The following KLHL14 variants were observed in gnomAD, a reference collection of about 807,000 sequenced individuals.
The protein encoded by KLHL14 is kelch like family member 14.
A neutral mutation model predicts 64.3 loss-of-function variants in KLHL14; 22 were observed. The ratio of observed to expected loss-of-function variants is 0.34; its 90% CI spans 0.24 to 0.49. KLHL14 has a LOEUF of 0.49. KLHL14 is among the 20% of genes least tolerant of loss of function. The pLI, the probability that KLHL14 is intolerant of heterozygous loss-of-function variation, is 0.99. For missense variants in KLHL14, 661 were observed against 789.0 expected (o/e 0.84, Z 1.94); for synonymous variants, 322 against 333.4 (o/e 0.97, Z 0.37).
intron 3 of KLHL14, among the ~76,000 whole-genome samples, chr18:32,703,662 T>C (rs2049976722): frequency 6.6e-6 from 1 of 152,222 alleles, no homozygotes; most frequent in African/African-American, 2.4e-5. Flanking sequence ...TTAATGTGAT[T>C]TCACATTGGA....
chr18:32,763,561 A>C (rs1232635018), intron 2 of KLHL14, among the ~76,000 whole-genome samples: 1 of 152,142 alleles, frequency 6.6e-6, no homozygotes, highest in Non-Finnish European at 1.5e-5. Context: ...CTCATCTTTA[A>C]AAAGGCTTAA....
rs947927729 is a variant in KLHL14, at chr18:32,680,914, A to G, written c.1239-315T>C. On this transcript the variant is annotated intron_variant, in intron 5 of 8. Transcript: ENST00000359358. The surrounding 1 kb of genome is among the most constrained non-coding windows in gnomAD (Gnocchi z 4.8). The stretch of plus-strand genomic sequence containing the variant: ...TTCATTAATATTTGGGATATTCGGT[A>G]CCTTGTAAGGATATCGTAGCTCTGT... Among the ~76,000 whole-genome samples, 1 of 152,130 alleles carries G rather than the reference A, an allele frequency of 6.6e-6. No individual in the cohort carries two copies. The highest frequency in any genetic ancestry group is 1.5e-5 in the Non-Finnish European group (1 of 68,016).
chr18:32,752,239 G>T (rs2050257421), intron 2 of KLHL14, among the ~76,000 whole-genome samples: 1 of 152,180 alleles, frequency 6.6e-6, no homozygotes, highest in Admixed American at 6.5e-5. Flanking sequence ...CACTATCTAG[G>T]AGGATGTTAT....
intron 3 of KLHL14, among the ~76,000 whole-genome samples, chr18:32,740,563 T>C (rs1056290610): frequency 6.6e-6 from 1 of 152,212 alleles, no homozygotes; most frequent in Non-Finnish European, 1.5e-5. Flanking sequence ...CTTTCACTAT[T>C]GGTCAAGTAT....
At chr18:32,710,320 A>C (rs903643812) in intron 3 of KLHL14, among the ~76,000 whole-genome samples, 2 of 152,226 alleles carry the variant, frequency 1.3e-5, no homozygotes, top group African/African-American at 4.8e-5. Flanking sequence ...TTTACTACAG[A>C]ACTGAATCAA....
chr18:32,723,292 C>T (rs1192876525), intron 3 of KLHL14, among the ~76,000 whole-genome samples: 2 of 152,088 alleles, frequency 1.3e-5, no homozygotes, highest in East Asian at 3.9e-4. Flanking sequence ...GATAGTGAAT[C>T]CAAGGAAGCT....
At chr18:32,736,178 T>A (rs1323325509) in intron 3 of KLHL14, among the ~76,000 whole-genome samples, 2 of 152,126 alleles carry the variant, frequency 1.3e-5, no homozygotes, top group Admixed American at 6.5e-5. Flanking sequence ...GTCAACCAGT[T>A]TTTCTAGGTA....
At chr18:32,692,697 C>T (rs1351771601) in intron 4 of KLHL14, among the ~76,000 whole-genome samples, 2 of 152,154 alleles carry the variant, frequency 1.3e-5, no homozygotes, top group African/African-American at 4.8e-5. Context: ...CATATGTTTA[C>T]GTGAAACACA....
intron 3 of KLHL14, among the ~76,000 whole-genome samples, chr18:32,722,205 C>A (rs766881684): frequency 6.6e-6 from 1 of 152,180 alleles, no homozygotes; most frequent in Non-Finnish European, 1.5e-5. Context: ...TATAATTACC[C>A]AGTCTTAGAT....
At chr18:32,712,843 T>C (rs772790403) in intron 3 of KLHL14, among the ~76,000 whole-genome samples, 1 of 152,166 alleles carries the variant, frequency 6.6e-6, no homozygotes, top group Non-Finnish European at 1.5e-5. Context: ...TCGATGCTCA[T>C]CTCATATCAT....
Position 32,677,146 on chromosome 18 carries a change from G to T in KLHL14, c.1746+27C>A, listed in dbSNP as rs748726344. 26 of 1,600,442 alleles carry T rather than the reference G, an allele frequency of 1.6e-5. No homozygotes were observed. The South Asian group carries it at 2.9e-4, about 18-fold the overall frequency. ...AAACGTAAGCACAAACGAAATAAAGGAGGATGCAGTAAATGTGGACACATA... is the reference window on the plus strand; with the variant it reads ...AAACGTAAGCACAAACGAAATAAAGTAGGATGCAGTAAATGTGGACACATA... On this transcript the variant is annotated intron_variant, in intron 8 of 8. Coordinates refer to ENST00000359358, the MANE Select transcript of KLHL14 (RefSeq NM_020805.3).
chr18:32,674,793 G>A lies in KLHL14; in HGVS notation c.1751C>T (p.Ala584Val), dbSNP rs748452307. Reference protein sequence around the residue: ...LVGGYSWSMGAYKSSTICYCP... With the variant: ...LVGGYSWSMGVYKSSTICYCP... ...ATAGCATATTGTAGATGACTTGTAG[G>A]CCCCCTGTAATGACAGAGGAGGGAG... The change falls in exon 9 of 9, where the codon GCC becomes GTC. Residue 584 changes from alanine (A) to valine (V), a missense_variant. By Grantham distance (64) the Ala-to-Val change is moderately conservative (BLOSUM62 0). Coordinates refer to ENST00000359358, the MANE Select transcript of KLHL14 (RefSeq NM_020805.3). The A allele has an allele frequency of 6.4e-6, 5 of 780,544 alleles. No homozygotes were observed. Among genetic ancestry groups the A allele is most frequent in the Non-Finnish European group, 1.2e-5 (5 of 417,802 alleles). The allele number at this position is 780,544 out of a possible 1,614,324, so 48.4% of individuals were successfully genotyped here.
chr18:32,676,863 C>G (rs1273770700), intron 8 of KLHL14, among the ~76,000 whole-genome samples: 5 of 152,142 alleles, frequency 3.3e-5, no homozygotes, highest in African/African-American at 1.2e-4. Context: ...CTTTCAGACT[C>G]TCTTACTGAA....
chr18:32,695,909 G>A (rs1466700872), intron 3 of KLHL14, among the ~76,000 whole-genome samples: 1 of 152,034 alleles, frequency 6.6e-6, no homozygotes, highest in African/African-American at 2.4e-5. Flanking sequence ...GGTCAGGGCT[G>A]GGGTTACTTC....
At chr18:32,739,390 CA>C (rs558330930) in intron 3 of KLHL14, among the ~76,000 whole-genome samples, 503 of 108,946 alleles carry the variant, frequency 4.6e-3, no homozygotes, top group East Asian at 0.017. Flanking sequence ...GGTATCTTAA[CA>C]AAAAAAAAAA....
chr18:32,742,133 A>G, intron 2 of KLHL14, 84 bp from the exon 3 acceptor site: 1 of 1,418,816 alleles, frequency 7.0e-7, no homozygotes, highest in Non-Finnish European at 9.7e-7. Flanking sequence ...CCATCAAAGA[A>G]TGTTCCTTGC....
intron 7 of KLHL14, among the ~76,000 whole-genome samples, chr18:32,679,018 T>C (rs530079155): frequency 6.6e-6 from 1 of 152,296 alleles, no homozygotes; most frequent in Non-Finnish European, 1.5e-5. Flanking sequence ...AGGAATGGTG[T>C]GTGGCTTGAA....
chr18:32,723,024 G>C (rs1476784117), intron 3 of KLHL14, among the ~76,000 whole-genome samples: 1 of 151,992 alleles, frequency 6.6e-6, no homozygotes, highest in Admixed American at 6.6e-5. Context: ...AATGGGCATA[G>C]GATAACACTG....
intron 2 of KLHL14, among the ~76,000 whole-genome samples, chr18:32,769,137 T>C (rs989087893): frequency 6.6e-6 from 1 of 152,134 alleles, no homozygotes; most frequent in Non-Finnish European, 1.5e-5. Flanking sequence ...AGAAACAACT[T>C]GAGTGTGTGA....
Sources: allele counts gnomAD v4.1 joint callset (sites outside exome capture counted in the v4.1 genomes callset), GRCh38; gene constraint gnomAD v4.1.1; non-coding constraint Gnocchi (gnomAD v3.1); transcripts MANE v1.5; gene names NCBI Gene and HGNC (gene_info 2026-07-23, HGNC 2026-07-21).